WDPCP: variants seen among roughly 807,000 people sequenced by gnomAD.
The protein encoded by WDPCP is WD repeat-containing and planar cell polarity effector protein fritz homolog.
WDPCP carries 71 observed loss-of-function variants against 93.1 expected under a neutral mutation model. The observed-to-expected ratio is 0.76, with a 90% CI of 0.63 to 0.93. The LOEUF (loss-of-function observed/expected upper bound fraction) is 0.93, where lower values mean the gene tolerates loss of function less well. Ranked by LOEUF, WDPCP falls within the 40% of genes least tolerant of loss-of-function variation. The pLI is 0.00. For missense variants in WDPCP, 844 were observed against 887.4 expected, an observed-to-expected ratio of 0.95 and a Z score of 0.62; for synonymous variants, 315 against 315.0, an observed-to-expected ratio of 1.00 and a Z score of 0.00.
chr2:63,505,431 G>A (rs1701810845), intron 1 of WDPCP, among the ~76,000 whole-genome samples: 1 of 151,974 alleles, frequency 6.6e-6, no homozygotes, highest in South Asian at 2.1e-4. Context: ...AGCTTAAAAT[G>A]TTAATTCCCT....
intron 1 of WDPCP, among the ~76,000 whole-genome samples, chr2:63,587,901 C>T (rs1575711154): frequency 6.6e-6 from 1 of 152,240 alleles, no homozygotes; most frequent in African/African-American, 2.4e-5. Flanking sequence ...AAATTAGAAC[C>T]GTATACTGTG....
chr2:63,595,226 A>G (rs975114090), intron 3 of WDPCP, among the ~76,000 whole-genome samples: 2 of 152,200 alleles, frequency 1.3e-5, no homozygotes, highest in Non-Finnish European at 2.9e-5. Flanking sequence ...TCTGTTAGCA[A>G]ACCAATGCTG....
At chr2:63,388,873 A>T (rs181470346) in intron 10 of WDPCP, among the ~76,000 whole-genome samples, 3 of 152,310 alleles carry the variant, frequency 2.0e-5, no homozygotes, top group African/African-American at 7.2e-5. Context: ...GAAACGAATA[A>T]AGACTCCAAG....
chr2:63,524,746 A>G (rs1703196449), intron 1 of WDPCP, among the ~76,000 whole-genome samples: 1 of 152,240 alleles, frequency 6.6e-6, no homozygotes, highest in African/African-American at 2.4e-5. Context: ...GCAAAAATTA[A>G]CAAATGGGAT....
intron 2 of WDPCP, among the ~76,000 whole-genome samples, chr2:63,692,309 A>ATG (rs1314184151): frequency 6.6e-6 from 1 of 151,704 alleles, no homozygotes; most frequent in Non-Finnish European, 1.5e-5. Context: ...CTGTGTGTGT[A>ATG]TGTGTGTGTA....
At chr2:63,356,341 C>G (rs1690021605) in intron 12 of WDPCP, among the ~76,000 whole-genome samples, 2 of 152,198 alleles carry the variant, frequency 1.3e-5, no homozygotes, top group Admixed American at 1.3e-4. Context: ...GACACTTCAA[C>G]ACTCCACTAA....
At chr2:63,688,745 A>AAT (rs1193405224) in intron 2 of WDPCP, among the ~76,000 whole-genome samples, 2 of 152,148 alleles carry the variant, frequency 1.3e-5, no homozygotes, top group South Asian at 2.1e-4. Context: ...ATACCCCATA[A>AAT]ATATATATAC....
At chr2:63,321,494 C>T (rs1687088222) in intron 12 of WDPCP, among the ~76,000 whole-genome samples, 1 of 151,774 alleles carries the variant, frequency 6.6e-6, no homozygotes, top group Non-Finnish European at 1.5e-5. Flanking sequence ...CATTCTGGCC[C>T]ATCTTAGACT....
intron 12 of WDPCP, among the ~76,000 whole-genome samples, chr2:63,357,927 T>TA (rs1229281195): frequency 6.6e-6 from 1 of 152,154 alleles, no homozygotes; most frequent in Non-Finnish European, 1.5e-5. Context: ...TATGCAGCCA[T>TA]AAAAAAGAAC....
intron 2 of WDPCP, among the ~76,000 whole-genome samples, chr2:63,783,337 G>A (rs1469445675): frequency 6.6e-6 from 1 of 151,992 alleles, no homozygotes; most frequent in East Asian, 1.9e-4. Flanking sequence ...GGGAAGATTA[G>A]TGAACCCAGG....
intron 2 of WDPCP, among the ~76,000 whole-genome samples, chr2:63,679,792 T>C (rs262536): frequency 0.81 from 123,724 of 152,032 alleles, 50,936 homozygotes; most frequent in East Asian, 0.98. Flanking sequence ...ATGGCCACTG[T>C]ATGGAGCACT....
In WDPCP at chr2:63,588,334, C is replaced by T; in HGVS notation, c.-63G>A. 1 of 1,535,858 alleles carries T rather than the reference C, an allele frequency of 6.5e-7. No homozygotes were observed. The highest frequency in any genetic ancestry group is 8.8e-7 in the Non-Finnish European group (1 of 1,132,310). ...GGTCCTCGGACCCGAGAGGGAGCGACACGCTCGCTTGGTCTCTTGGGTCTC... is the reference window on the plus strand; with the variant it reads ...GGTCCTCGGACCCGAGAGGGAGCGATACGCTCGCTTGGTCTCTTGGGTCTC... On this transcript the variant is annotated 5_prime_UTR_variant, in exon 1 of 18. Coordinates refer to ENST00000272321, the MANE Select transcript of WDPCP (RefSeq NM_015910.7).
At chr2:63,666,004 T>TG (rs1336475205) in intron 2 of WDPCP, among the ~76,000 whole-genome samples, 1 of 152,244 alleles carries the variant, frequency 6.6e-6, no homozygotes, top group African/African-American at 2.4e-5. Context: ...TGGGCAGACA[T>TG]CTGCACAACA....
intron 2 of WDPCP, among the ~76,000 whole-genome samples, chr2:63,698,906 C>T (rs979220180): frequency 6.6e-6 from 1 of 152,196 alleles, no homozygotes; most frequent in Non-Finnish European, 1.5e-5. Flanking sequence ...TGCAGTTATA[C>T]TCAGTATCTC....
At position 63,694,818 on chromosome 2, in the gene WDPCP, A is replaced by G. The variant is rs190255998; in HGVS notation, n.309-43980T>C. On this transcript the variant is annotated intron_variant and non_coding_transcript_variant, in intron 2 of 4. Transcript: ENST00000467687. ...AGGAAAATGTGGCCTTTTTGAGATC[A>G]ACAACAAATAGATTTTTCACATTTA... Among the ~76,000 whole-genome samples, 8 of 152,308 alleles carry G rather than the reference A, an allele frequency of 5.3e-5. No individual in the cohort carries two copies. In the East Asian group the frequency reaches 1.5e-3, roughly 29 times the overall value.
rs1053765988 is a variant in WDPCP, at chr2:63,294,435, G to A, written c.1812+18813C>T. On this transcript the variant is annotated intron_variant, in intron 13 of 17. Transcript: ENST00000272321. ...TGAGGGAGGAGAATCACTTGAACCC[G>A]GGAGGTGGAGGTTGCAGGGAGCTGA... Among the ~76,000 whole-genome samples the A allele has an allele frequency of 8.9e-5, 13 of 146,836 alleles. No homozygotes were observed. The East Asian group carries it at 1.9e-3, about 21-fold the overall frequency.
chr2:63,455,775 T>C (rs578159060), intron 6 of WDPCP, among the ~76,000 whole-genome samples: 1 of 152,264 alleles, frequency 6.6e-6, no homozygotes, highest in East Asian at 1.9e-4. Flanking sequence ...CCAGATCATC[T>C]AGACAGAAAA....
At chr2:63,322,849 C>T (rs537637056) in intron 12 of WDPCP, among the ~76,000 whole-genome samples, 6 of 152,282 alleles carry the variant, frequency 3.9e-5, no homozygotes, top group Non-Finnish European at 7.3e-5. Context: ...GGACCCCTTT[C>T]GCTTGCTATT....
At chr2:63,503,919 A>T (rs1701710646) in intron 1 of WDPCP, among the ~76,000 whole-genome samples, 1 of 151,906 alleles carries the variant, frequency 6.6e-6, no homozygotes, top group Non-Finnish European at 1.5e-5. Flanking sequence ...AAAAAAAAAA[A>T]AACAGAAATC....
Sources: allele counts gnomAD v4.1 joint callset (sites outside exome capture counted in the v4.1 genomes callset), GRCh38; gene constraint gnomAD v4.1.1; transcripts MANE v1.5; gene names NCBI Gene and HGNC (gene_info 2026-07-23, HGNC 2026-07-21).